The following GUCY2D variants were observed in gnomAD, a reference collection of about 807,000 sequenced individuals.
The protein encoded by GUCY2D is guanylate cyclase 2D, retinal.
A neutral mutation model predicts 101.3 loss-of-function variants in GUCY2D; 70 were observed. That is an observed-to-expected ratio of 0.69 (90% CI 0.57 to 0.84). The LOEUF (loss-of-function observed/expected upper bound fraction) is 0.84, where lower values mean the gene tolerates loss of function less well. Among genes scored for constraint, GUCY2D ranks in the 40% least tolerant of loss-of-function variants. The pLI is 0.00. For synonymous variants in GUCY2D, 688 were observed against 670.7 expected, an observed-to-expected ratio of 1.03 and a Z score of -0.40; for missense variants, 1,460 against 1,542.5, an observed-to-expected ratio of 0.95 and a Z score of 0.90.
chr17:8,013,377 A>T lies in GUCY2D; in HGVS notation c.2263+125A>T. The T allele has an allele frequency of 1.0e-6, 1 of 983,912 alleles. No individual in the cohort carries two copies. Among genetic ancestry groups the T allele is most frequent in the Non-Finnish European group, 1.6e-6 (1 of 640,856 alleles). The allele number at this position is 983,912 out of a possible 1,614,324, so 60.9% of individuals were successfully genotyped here. ...AACTCAATTATACGGAGGCCCCCTT[A>T]AAGCTGGCATCTGCAGGTCTGGGTG... On this transcript the variant is annotated intron_variant, in intron 11 of 19. Coordinates refer to ENST00000254854, the MANE Select transcript of GUCY2D (RefSeq NM_000180.4). The surrounding 1 kb of genome is among the most constrained non-coding windows in gnomAD (Gnocchi z 5.0).
Position 8,004,053 on chromosome 17 carries a change from T to A in GUCY2D, c.923T>A (p.Val308Glu), listed in dbSNP as rs776826689. The change falls in exon 3 of 20, where the codon GTG becomes GAG. Residue 308 changes from valine (V) to glutamate (E), a missense_variant. Transcript: ENST00000254854. ...CAGCTTCGCAGGGCCCACGATGCCGTGCTCACCCTCACGCGCCACTGTCCC... is the reference window on the plus strand; with the variant it reads ...CAGCTTCGCAGGGCCCACGATGCCGAGCTCACCCTCACGCGCCACTGTCCC... ...SSQLRRAHDA[V>E]LTLTRHCPSE... The A allele has an allele frequency of 6.2e-7, 1 of 1,609,396 alleles. No individual in the cohort carries two copies. Among genetic ancestry groups the A allele is most frequent in the Non-Finnish European group, 8.5e-7 (1 of 1,179,924 alleles).
At chr17:8,012,734 T>C in intron 10 of GUCY2D, 128 bp downstream of exon 10, 1 of 809,928 alleles carries the variant, frequency 1.2e-6, no homozygotes, top group Non-Finnish European at 2.0e-6. Context: ...CAATTCCTGC[T>C]ACAGAAAAGA....
rs1422728100 is a variant in GUCY2D at position 8,007,422 on chromosome 17, C to G, written c.1464-4C>G. ...TTGGTGGAGGTGACCTCTTTCTCCA[C>G]CAGGCACCGGCTACTTCACATGCAA... On this transcript the variant is annotated splice_region_variant and splice_polypyrimidine_tract_variant and intron_variant, in intron 5 of 19. Transcript: ENST00000254854. 1 of 1,599,614 alleles carries G rather than the reference C, an allele frequency of 6.3e-7. No individual in the cohort carries two copies. Among genetic ancestry groups the G allele is most frequent in the Admixed American group, 1.7e-5 (1 of 60,010 alleles).
intron 19 of GUCY2D, among the ~76,000 whole-genome samples, chr17:8,018,646 T>C (rs1331319535): frequency 6.6e-6 from 1 of 152,164 alleles, no homozygotes; most frequent in Non-Finnish European, 1.5e-5. Context: ...TGTCACCACT[T>C]AACCACATTC....
At chr17:8,007,286 C>A (rs1975764058) in intron 5 of GUCY2D, 140 bp from the exon 6 acceptor site, 2 of 897,452 alleles carry the variant, frequency 2.2e-6, no homozygotes, top group Middle Eastern at 2.2e-4. Flanking sequence ...CTGGTAGAGT[C>A]CCAGGGGATG....
chr17:8,020,089 C>T (rs982622058), intron 19 of GUCY2D, 39 bp from the exon 20 acceptor site: 4 of 84,292 alleles, frequency 4.7e-5, no homozygotes, highest in Admixed American at 4.4e-4. Flanking sequence ...CACCTGGCGC[C>T]TTTTTTTTTT....
intron 15 of GUCY2D, 117 bp from the exon 16 acceptor site, chr17:8,015,626 A>G (rs1975953042): frequency 8.4e-7 from 1 of 1,185,028 alleles, no homozygotes; most frequent in Non-Finnish European, 1.2e-6. Context: ...GATGCACTTA[A>G]CAAGGCTTAT....
intron 19 of GUCY2D, chr17:8,016,757 T>C: frequency 1.8e-6 from 1 of 570,392 alleles, no homozygotes; most frequent in Non-Finnish European, 3.1e-6. Context: ...AATCCAGGCT[T>C]AGGAAACTCC....
In GUCY2D at chr17:8,003,415, G is replaced by C; in HGVS notation, c.368G>C (p.Gly123Ala). ...AVSSALARVS[G>A]LVGPVNPAAC... ...TCCTCCGCGCTGGCCCGCGTGTCGG[G>C]CCTCGTGGGTCCGGTGAACCCTGCG... Residue 123 changes from glycine to alanine, a missense_variant, in exon 2 of 20, where the codon GGC (glycine) becomes GCC (alanine). Gly to Ala is a moderately conservative substitution (Grantham distance 60). Coordinates refer to ENST00000254854, the MANE Select transcript of GUCY2D (RefSeq NM_000180.4). 2.0e-6 allele frequency: 3 copies of C among 1,502,456 alleles called. No homozygotes were observed. Among genetic ancestry groups the C allele is most frequent in the South Asian group, 2.5e-5 (2 of 81,258 alleles). The allele number at this position is 1,502,456 out of a possible 1,614,324, so 93.1% of individuals were successfully genotyped here.
chr17:8,009,419 A>C, intron 7 of GUCY2D, 87 bp from the exon 8 acceptor site: 1 of 857,258 alleles, frequency 1.2e-6, no homozygotes, highest in South Asian at 1.3e-5. Flanking sequence ...ACAGTGAGCC[A>C]ATGGAAATGA....
At position 8,015,762 on chromosome 17, in the gene GUCY2D, G is replaced by A. The variant is rs1281732872; in HGVS notation, c.2964G>A (p.Val988=). 8.1e-6 allele frequency: 13 copies of A among 1,610,822 alleles called. No homozygotes were observed. Among genetic ancestry groups the A allele is most frequent in the South Asian group, 1.1e-5 (1 of 90,602 alleles). Residue 988 remains valine (V), a synonymous_variant, in exon 16 of 20, where the codon GTG becomes GTA. Coordinates refer to ENST00000254854, the MANE Select transcript of GUCY2D (RefSeq NM_000180.4). ...GLHSGPCVAG[V]VGLTMPRYCL... The stretch of plus-strand genomic sequence containing the variant: ...CCACAGGTCCATGCGTGGCAGGCGT[G>A]GTGGGCCTCACCATGCCGCGGTACT...
chr17:8,003,588 T>G lies in GUCY2D; in HGVS notation c.541T>G (p.Trp181Gly). 1 of 1,585,380 alleles carries G rather than the reference T, an allele frequency of 6.3e-7. No individual in the cohort carries two copies. The highest frequency in any genetic ancestry group is 8.5e-7 in the Non-Finnish European group (1 of 1,172,446). ...ALYALLRAFG[W>G]ARVALVTAPQ... ...CTACGCCCTGCTTCGCGCATTCGGCTGGGCGCGCGTGGCCCTGGTCACCGC... is the reference window on the plus strand; with the variant it reads ...CTACGCCCTGCTTCGCGCATTCGGCGGGGCGCGCGTGGCCCTGGTCACCGC... The change falls in exon 2 of 20, where the codon TGG (tryptophan) becomes GGG (glycine). Residue 181 changes from tryptophan to glycine, a missense_variant. Trp to Gly is a radical substitution (Grantham distance 184). Coordinates refer to ENST00000254854, the MANE Select transcript of GUCY2D (RefSeq NM_000180.4).
Position 8,015,172 on chromosome 17 carries a change from T to C in GUCY2D, c.2769+121T>C, listed in dbSNP as rs3813585. 0.41 allele frequency: 439,336 copies of C among 1,068,604 alleles called. 98,521 individuals are homozygous for C. Among genetic ancestry groups the C allele is most frequent in the East Asian group, 0.82 (31,949 of 39,188 alleles). The allele number at this position is 1,068,604 out of a possible 1,614,324, so 66.2% of individuals were successfully genotyped here. A position where few individuals can be genotyped will look rare whatever the true frequency, so the allele number is the denominator to read the frequency against. On this transcript the variant is annotated intron_variant, in intron 14 of 19. Coordinates refer to ENST00000254854, the MANE Select transcript of GUCY2D (RefSeq NM_000180.4). ...AATCAATCTTCTTTCCCAGACCTCCTGTCCCTTATTTATTCCTCCAGTCCC... is the reference window on the plus strand; with the variant it reads ...AATCAATCTTCTTTCCCAGACCTCCCGTCCCTTATTTATTCCTCCAGTCCC...
rs1400764170 is a variant in GUCY2D, at chr17:8,012,593, T to C, written c.2100T>C (p.Pro700=). 2.5e-6 allele frequency: 4 copies of C among 1,613,428 alleles called. No individual in the cohort carries two copies. The highest frequency in any genetic ancestry group is 3.4e-6 in the Non-Finnish European group (4 of 1,179,780). ...LLEAQKVLPE[P]PRAEDQLWTA... is the part of the protein sequence containing the mutation. The stretch of plus-strand genomic sequence containing the variant: ...AAGCACAGAAGGTGCTACCGGAGCC[T>C]CCCAGAGCGGAGGGTAAGAGTCCCC... The change falls in exon 10 of 20, where the codon CCT becomes CCC. Residue 700 remains proline, a synonymous_variant. Transcript: ENST00000254854.
intron 3 of GUCY2D, among the ~76,000 whole-genome samples, chr17:8,005,909 G>GT (rs944149000): frequency 1.3e-5 from 2 of 151,926 alleles, no homozygotes; most frequent in Non-Finnish European, 2.9e-5. Context: ...TTGTTTGTTT[G>GT]TTTTTTTAAG....
chr17:8,015,664 C>A, intron 15 of GUCY2D, 79 bp from the exon 16 acceptor site: 1 of 1,239,974 alleles, frequency 8.1e-7, no homozygotes, highest in Non-Finnish European at 1.1e-6. Flanking sequence ...ATAATGGGTG[C>A]GAAGATCCCC....
At position 8,002,800 on chromosome 17, in the gene GUCY2D, C is replaced by T; in HGVS notation, c.-10+66C>T. 1.9e-6 allele frequency: 1 copy of T among 516,752 alleles called. No individual in the cohort carries two copies. The highest frequency in any genetic ancestry group is 3.4e-6 in the Non-Finnish European group (1 of 294,104). 32.0% of individuals were successfully genotyped at this position (516,752 alleles called of 1,614,324 possible). A position where few individuals can be genotyped will look rare whatever the true frequency, so the allele number is the denominator to read the frequency against. On this transcript the variant is annotated intron_variant, in intron 1 of 19. Transcript: ENST00000254854. The surrounding 1 kb of genome is among the most constrained non-coding windows in gnomAD (Gnocchi z 4.9). ...GAGGGCGCAGGCGAGTCCCTGCTGACCCCTGACGCCTCCGACGGGGGGAGG... is the reference window on the plus strand; with the variant it reads ...GAGGGCGCAGGCGAGTCCCTGCTGATCCCTGACGCCTCCGACGGGGGGAGG...
In GUCY2D at chr17:8,003,227, C is replaced by T. The variant is rs753766842; in HGVS notation, c.180C>T (p.Gly60=). Reference sequence around the variant, plus strand: ...CCGTGTTCACGGTGGGGGTCCTGGGCCCCTGGGCTTGCGACCCCATCTTCT... The same window carrying T: ...CCGTGTTCACGGTGGGGGTCCTGGGTCCCTGGGCTTGCGACCCCATCTTCT... ...LSAVFTVGVL[G]PWACDPIFSR... The change falls in exon 2 of 20, where the codon GGC becomes GGT. Residue 60 remains glycine (G), a synonymous_variant. Transcript: ENST00000254854. 133 of 1,518,726 alleles carry T rather than the reference C, an allele frequency of 8.8e-5. No individual in the cohort carries two copies. The highest frequency in any genetic ancestry group is 1.1e-4 in the Non-Finnish European group (121 of 1,138,382). The allele number at this position is 1,518,726 out of a possible 1,614,324, so 94.1% of individuals were successfully genotyped here.
Position 8,007,470 on chromosome 17 carries a change from T to G in GUCY2D, c.1508T>G (p.Ile503Ser). ...HMQMVSGPNKIILTVDDITFL... is the reference protein window; with the variant it reads ...HMQMVSGPNKSILTVDDITFL... The stretch of plus-strand genomic sequence containing the variant: ...CAAATGGTCTCCGGCCCCAACAAGA[T>G]CATCCTGACCGTGGACGACATCACC... The change falls in exon 6 of 20, where the codon ATC (isoleucine) becomes AGC (serine). Residue 503 changes from isoleucine to serine, a missense_variant. Ile to Ser is a moderately radical substitution (Grantham distance 142, BLOSUM62 -2). Transcript: ENST00000254854. The G allele has an allele frequency of 6.2e-7, 1 of 1,613,822 alleles. No individual in the cohort carries two copies. The highest frequency in any genetic ancestry group is 8.5e-7 in the Non-Finnish European group (1 of 1,179,762).
Sources: allele counts gnomAD v4.1 joint callset (sites outside exome capture counted in the v4.1 genomes callset), GRCh38; gene constraint gnomAD v4.1.1; non-coding constraint Gnocchi (gnomAD v3.1); transcripts MANE v1.5; gene names NCBI Gene and HGNC (gene_info 2026-07-23, HGNC 2026-07-21).